The following DCAF7 variants were observed in gnomAD, a reference collection of about 807,000 sequenced individuals.
The protein encoded by DCAF7 is DDB1- and CUL4-associated factor 7.
DCAF7 carries 4 observed loss-of-function variants against 41.2 expected under a neutral mutation model. That is an observed-to-expected ratio of 0.10 (90% CI 0.05 to 0.22). DCAF7 has a LOEUF of 0.22. Among genes scored for constraint, DCAF7 ranks in the 10% least tolerant of loss-of-function variants. The pLI is 1.00. For missense variants in DCAF7, 131 were observed against 443.2 expected (o/e 0.30, Z 6.32); for synonymous variants, 143 against 164.2 (o/e 0.87, Z 0.99).
chr17:63,564,593 C>G (rs1364904514), intron 1 of DCAF7, among the ~76,000 whole-genome samples: 1 of 152,236 alleles, frequency 6.6e-6, no homozygotes, highest in Non-Finnish European at 1.5e-5. Flanking sequence ...CAGACCCAAT[C>G]TGACCTCTCC....
intron 1 of DCAF7, among the ~76,000 whole-genome samples, chr17:63,570,468 A>T (rs2033494471): frequency 6.6e-6 from 1 of 152,150 alleles, no homozygotes; most frequent in African/African-American, 2.4e-5. Flanking sequence ...AAAGAAAAAA[A>T]AAGATAGGAA....
chr17:63,584,262 G>A (rs997439023), intron 5 of DCAF7, among the ~76,000 whole-genome samples: 1 of 152,154 alleles, frequency 6.6e-6, no homozygotes, highest in African/African-American at 2.4e-5. Flanking sequence ...GAGGTCAAGA[G>A]ATGGAGACCA....
rs1419336332 is a variant in DCAF7, at chr17:63,592,494, A to C, written c.*3322A>C. The C allele has an allele frequency of 6.6e-6, 1 of 152,228 alleles. No homozygotes were observed. Among genetic ancestry groups the C allele is most frequent in the Non-Finnish European group, 1.5e-5 (1 of 68,034 alleles). 9.4% of individuals were successfully genotyped at this position (152,228 alleles called of 1,614,324 possible). On this transcript the variant is annotated 3_prime_UTR_variant, in exon 7 of 7. Coordinates refer to ENST00000614556, the MANE Select transcript of DCAF7 (RefSeq NM_005828.5). ...AACTGGCTAAGATTCAGGAAGAAAC[A>C]AAAAATTCAGAATCCTACAAGGTTT... is the stretch of plus-strand genomic sequence containing the variant.
chr17:63,567,372 G>C (rs1366947143), intron 1 of DCAF7, among the ~76,000 whole-genome samples: 1 of 152,192 alleles, frequency 6.6e-6, no homozygotes, highest in Non-Finnish European at 1.5e-5. Context: ...TTGGCAACTT[G>C]GAGCAGAAGA....
intron 1 of DCAF7, among the ~76,000 whole-genome samples, chr17:63,553,538 T>G (rs2033280502): frequency 6.6e-6 from 1 of 152,200 alleles, no homozygotes; most frequent in Non-Finnish European, 1.5e-5. Flanking sequence ...GGTGGTCGAC[T>G]TCATAATTTG....
rs369218596 is a variant in DCAF7, at chr17:63,564,136, T to TACACACAC, written c.138+13341_138+13348dup. On this transcript the variant is annotated intron_variant, in intron 1 of 6. Coordinates refer to ENST00000614556, the MANE Select transcript of DCAF7 (RefSeq NM_005828.5). ...ATGACATAGAGGGATGTTAACTTTA[T>TACACACAC]ACACACACACACACACACACACACA... 8.4e-3 allele frequency among the ~76,000 whole-genome samples: 1,247 copies of TACACACAC among 148,070 alleles called. 7 individuals carry two copies. Among genetic ancestry groups the TACACACAC allele is most frequent in the Middle Eastern group, 0.021 (6 of 290 alleles).
At chr17:63,579,801 C>A in intron 3 of DCAF7, 24 bp from the exon 4 acceptor site, 1 of 1,599,128 alleles carries the variant, frequency 6.3e-7, no homozygotes, top group South Asian at 1.1e-5. Context: ...CCCGTCAGCC[C>A]TGACTTGCAC....
rs912071568 is a variant in DCAF7, at chr17:63,594,108, T to C, written c.*4936T>C. On this transcript the variant is annotated 3_prime_UTR_variant, in exon 7 of 7. Transcript: ENST00000614556. The stretch of plus-strand genomic sequence containing the variant: ...GGAATCTCCATTGAAGGCTACTTCA[T>C]GGGCACCTGAAAGTGGAGTGTTATA... 1 of 152,678 alleles carries C rather than the reference T, an allele frequency of 6.5e-6. No homozygotes were observed. The highest frequency in any genetic ancestry group is 1.5e-5 in the Non-Finnish European group (1 of 68,046). 9.5% of individuals were successfully genotyped at this position (152,678 alleles called of 1,614,324 possible). A position where few individuals can be genotyped will look rare whatever the true frequency, so the allele number is the denominator to read the frequency against.
At chr17:63,584,920 A>G (rs1411029805) in intron 5 of DCAF7, among the ~76,000 whole-genome samples, 2 of 152,174 alleles carry the variant, frequency 1.3e-5, no homozygotes, top group African/African-American at 2.4e-5. Flanking sequence ...TGAGATGCAT[A>G]GAATTCTTAC....
intron 1 of DCAF7, among the ~76,000 whole-genome samples, chr17:63,557,236 G>T (rs1372238975): frequency 1.3e-5 from 2 of 152,160 alleles, no homozygotes; most frequent in Non-Finnish European, 2.9e-5. Flanking sequence ...GAGATATAGA[G>T]GATTGGGTAA....
intron 1 of DCAF7, among the ~76,000 whole-genome samples, chr17:63,554,234 T>C (rs2033287751): frequency 6.6e-6 from 1 of 152,220 alleles, no homozygotes. Flanking sequence ...GGTTATTATG[T>C]TTCTACCTTC....
chr17:63,568,308 C>T (rs367934335), intron 1 of DCAF7, among the ~76,000 whole-genome samples: 5 of 152,086 alleles, frequency 3.3e-5, no homozygotes, highest in South Asian at 4.2e-4. Context: ...GGTCTGATTT[C>T]GGATGTAGAA....
chr17:63,558,556 G>A (rs2033335035), intron 1 of DCAF7, among the ~76,000 whole-genome samples: 1 of 152,066 alleles, frequency 6.6e-6, no homozygotes, highest in African/African-American at 2.4e-5. Context: ...GTTTTTTCTG[G>A]AGACAGGGTC....
intron 1 of DCAF7, among the ~76,000 whole-genome samples, chr17:63,576,722 T>C (rs1359940170): frequency 1.3e-5 from 2 of 152,128 alleles, no homozygotes; most frequent in African/African-American, 4.8e-5. Flanking sequence ...GAGGCCAGCC[T>C]GGGCAACATA....
chr17:63,584,761 A>G (rs1180937280), intron 5 of DCAF7, among the ~76,000 whole-genome samples: 2 of 152,088 alleles, frequency 1.3e-5, no homozygotes, highest in Non-Finnish European at 2.9e-5. Flanking sequence ...CTCTGTCTCA[A>G]AAAAAAAGAA....
intron 1 of DCAF7, among the ~76,000 whole-genome samples, chr17:63,564,237 A>G (rs1035287565): frequency 6.6e-6 from 1 of 152,094 alleles, no homozygotes; most frequent in African/African-American, 2.4e-5. Context: ...TCCTCTTACA[A>G]TCTAAAAGTA....
At position 63,580,127 on chromosome 17, in the gene DCAF7, C is replaced by CT. The variant is rs1050766632; in HGVS notation, c.528+192dup. ...AAAACAACACTATTGTAAACTAATGCTTTTTTTTGGCTAATGTAAATGACC... is the reference window on the plus strand; with the variant it reads ...AAAACAACACTATTGTAAACTAATGCTTTTTTTTTGGCTAATGTAAATGACC... On this transcript the variant is annotated intron_variant, in intron 4 of 6. Transcript: ENST00000614556. Among the ~76,000 whole-genome samples, 11 of 151,858 alleles carry CT rather than the reference C, an allele frequency of 7.2e-5. 1 individual carries two copies. The highest frequency in any genetic ancestry group is 4.2e-4 in the South Asian group (2 of 4,802).
rs2033711561 is a variant in DCAF7 at position 63,589,392 on chromosome 17, T to A, written c.*220T>A. 2.7e-5 allele frequency: 17 copies of A among 631,928 alleles called. No individual in the cohort carries two copies. Among genetic ancestry groups the A allele is most frequent in the South Asian group, 2.6e-4 (16 of 61,092 alleles). 39.1% of individuals were successfully genotyped at this position (631,928 alleles called of 1,614,324 possible). Reference sequence around the variant, plus strand: ...GCGCCTCCTCAGCCCAGGGCTGAGTTTTAAGATTTTCTCTCCTTTCCTCTT... The same window carrying A: ...GCGCCTCCTCAGCCCAGGGCTGAGTATTAAGATTTTCTCTCCTTTCCTCTT... On this transcript the variant is annotated 3_prime_UTR_variant, in exon 7 of 7. Coordinates refer to ENST00000614556, the MANE Select transcript of DCAF7 (RefSeq NM_005828.5).
chr17:63,566,811 C>G (rs575170223), intron 1 of DCAF7, among the ~76,000 whole-genome samples: 1 of 151,996 alleles, frequency 6.6e-6, no homozygotes, highest in Non-Finnish European at 1.5e-5. Flanking sequence ...GCTGAAGGAT[C>G]GCCTGAGCAG....
Sources: gnomAD v4.1 joint callset for allele counts (sites outside exome capture counted in the v4.1 genomes callset) on GRCh38, gnomAD v4.1.1 for gene constraint, MANE v1.5 for transcripts, NCBI Gene and HGNC (gene_info 2026-07-23, HGNC 2026-07-21) for gene names.